The following ANO1 variants were observed in gnomAD, a reference collection of about 807,000 sequenced individuals.
ANO1 encodes anoctamin-1.
Under a neutral mutation model 124.0 loss-of-function variants are expected in ANO1, and 59 were observed. That is an observed-to-expected ratio of 0.48 (90% CI 0.39 to 0.59). The LOEUF is 0.59. ANO1 is among the 20% of genes least tolerant of loss of function. The pLI, the probability that ANO1 is intolerant of heterozygous loss-of-function variation, is 0.00. For synonymous variants in ANO1, 529 were observed against 532.0 expected (o/e 0.99, Z 0.08); for missense variants, 1,059 against 1,328.0 (o/e 0.80, Z 3.15).
intron 1 of ANO1, among the ~76,000 whole-genome samples, chr11:70,084,593 G>T (rs1174418435): frequency 6.6e-6 from 1 of 152,150 alleles, no homozygotes; most frequent in African/African-American, 2.4e-5. Context: ...GAGGGGCCAA[G>T]CCTAGATGTA....
intron 1 of ANO1, among the ~76,000 whole-genome samples, chr11:70,026,325 T>C (rs1178424059): frequency 7.0e-6 from 1 of 141,846 alleles, no homozygotes; most frequent in Non-Finnish European, 1.5e-5. Context: ...GCATTGATGA[T>C]GGTGGTGGTG....
intron 10 of ANO1, among the ~76,000 whole-genome samples, chr11:70,129,984 C>G (rs2046679554): frequency 6.6e-6 from 1 of 152,152 alleles, no homozygotes; most frequent in South Asian, 2.1e-4. Flanking sequence ...AACCAGAATG[C>G]CCATGATGCT....
intron 12 of ANO1, among the ~76,000 whole-genome samples, 183 bp from the exon 13 acceptor site, chr11:70,152,267 A>G (rs2047630971): frequency 6.7e-6 from 1 of 150,058 alleles, no homozygotes; most frequent in African/African-American, 2.5e-5. Context: ...CCCGGGAGGC[A>G]GAGCTTGCAG....
intron 2 of ANO1, among the ~76,000 whole-genome samples, chr11:70,097,290 G>A (rs183876298): frequency 1.7e-3 from 257 of 152,318 alleles, no homozygotes; most frequent in Middle Eastern, 6.8e-3. Flanking sequence ...TCCTCAGCTC[G>A]CCTGAGACTC....
the ANO1 span, among the ~76,000 whole-genome samples, chr11:69,968,907 TG>T: frequency 2.0e-5 from 3 of 152,242 alleles, no homozygotes; most frequent in Non-Finnish European, 4.4e-5. Flanking sequence ...GAGGGAGCCC[TG>T]GCAGGACCCT....
chr11:70,178,662 C>G (rs1195146610), intron 22 of ANO1, among the ~76,000 whole-genome samples: 1 of 151,974 alleles, frequency 6.6e-6, no homozygotes, highest in African/African-American at 2.4e-5. Flanking sequence ...CTCCCTGGCT[C>G]AATCTATTCT....
At chr11:70,083,105 T>A (rs944411170) in intron 1 of ANO1, among the ~76,000 whole-genome samples, 1 of 152,182 alleles carries the variant, frequency 6.6e-6, no homozygotes, top group African/African-American at 2.4e-5. Context: ...CTACCATCTT[T>A]CACTTGTGGT....
chr11:70,095,647 G>A (rs1284749243), intron 2 of ANO1, among the ~76,000 whole-genome samples: 2 of 152,176 alleles, frequency 1.3e-5, no homozygotes, highest in Non-Finnish European at 2.9e-5. Context: ...TCTGCAAGCT[G>A]GTTGTTACCC....
chr11:70,181,901 G>A (rs557003496), intron 23 of ANO1, among the ~76,000 whole-genome samples: 1 of 152,344 alleles, frequency 6.6e-6, no homozygotes, highest in African/African-American at 2.4e-5. Context: ...GGCGAGGACT[G>A]CCATGGCCCC....
chr11:69,968,175 T>C, the ANO1 span, among the ~76,000 whole-genome samples: 1 of 152,162 alleles, frequency 6.6e-6, no homozygotes, highest in African/African-American at 2.4e-5. Flanking sequence ...CTGTGGGAAC[T>C]CGGGAACACT....
intron 21 of ANO1, 81 bp from the exon 22 acceptor site, chr11:70,170,806 G>T (rs780328076): frequency 3.0e-5 from 46 of 1,519,872 alleles, no homozygotes; most frequent in Non-Finnish European, 4.0e-5. Flanking sequence ...GACCTGTGCG[G>T]CTCGGCACAC....
At chr11:70,010,843 C>T (rs1312652933) in intron 1 of ANO1, among the ~76,000 whole-genome samples, 3 of 152,212 alleles carry the variant, frequency 2.0e-5, no homozygotes, top group Non-Finnish European at 4.4e-5. Context: ...CCTCCCACAT[C>T]TTCTGAGGAT....
chr11:69,971,985 C>G, the ANO1 span, among the ~76,000 whole-genome samples: 1 of 151,990 alleles, frequency 6.6e-6, no homozygotes, highest in African/African-American at 2.4e-5. Flanking sequence ...CTTTGAGAGG[C>G]CCAGGCGGGT....
At chr11:70,046,766 G>C (rs1857265853) in intron 1 of ANO1, among the ~76,000 whole-genome samples, 2 of 151,964 alleles carry the variant, frequency 1.3e-5, no homozygotes, top group South Asian at 4.2e-4. Flanking sequence ...ATGTAAAATG[G>C]GATCCTGGAA....
intron 1 of ANO1, among the ~76,000 whole-genome samples, chr11:70,018,840 G>C (rs1371890089): frequency 1.3e-5 from 2 of 152,172 alleles, no homozygotes; most frequent in East Asian, 1.9e-4. Flanking sequence ...TCATCTGGTG[G>C]GAATATTTAC....
intron 1 of ANO1, chr11:70,085,299 G>T (rs945043580): frequency 7.6e-7 from 1 of 1,319,884 alleles, no homozygotes; most frequent in Non-Finnish European, 1.0e-6. Context: ...GCCCTCAAAA[G>T]CCAGCCCTCC....
chr11:70,087,950 G>A lies in ANO1; in HGVS notation c.307G>A (p.Gly103Ser), dbSNP rs938557412. 1.4e-5 allele frequency: 22 copies of A among 1,597,454 alleles called. No individual in the cohort carries two copies. Among genetic ancestry groups the A allele is most frequent in the Non-Finnish European group, 1.9e-5 (22 of 1,171,594 alleles). Residue 103 changes from glycine (G) to serine (S), a missense_variant, in exon 2 of 26, where the codon GGC (glycine) becomes AGC (serine). Transcript: ENST00000355303. ...RSVKQDHPLP[G>S]KGASLDAGSG... is the part of the protein sequence containing the mutation. ...CGTCAAGCAGGACCACCCCCTGCCG[G>A]GCAAGGGGGCGTCGCTGGATGCAGG...
chr11:70,050,701 C>T (rs1457434383), intron 1 of ANO1, among the ~76,000 whole-genome samples: 2 of 152,150 alleles, frequency 1.3e-5, no homozygotes, highest in African/African-American at 4.8e-5. Context: ...GGTTCTAGTT[C>T]CCCTCAGGAG....
chr11:70,079,287 A>G (rs1287264756), intron 1 of ANO1, among the ~76,000 whole-genome samples: 2 of 152,082 alleles, frequency 1.3e-5, no homozygotes, highest in Non-Finnish European at 2.9e-5. Flanking sequence ...GTACCCTGGC[A>G]TTGGCACCGA....
Sources: allele counts gnomAD v4.1 joint callset (sites outside exome capture counted in the v4.1 genomes callset), GRCh38; gene constraint gnomAD v4.1.1; transcripts MANE v1.5; gene names NCBI Gene and HGNC (gene_info 2026-07-23, HGNC 2026-07-21).